KIAA1217: variants seen among roughly 807,000 people sequenced by gnomAD.
The protein encoded by KIAA1217 is sickle tail protein homolog.
In KIAA1217, 88 loss-of-function variants were observed where a neutral mutation model predicts 163.9. The ratio of observed to expected loss-of-function variants is 0.54; its 90% confidence interval spans 0.45 to 0.64. The LOEUF is 0.64. KIAA1217 is among the 30% of genes least tolerant of loss of function. KIAA1217 has a pLI of 0.00. For missense variants in KIAA1217, 2,372 were observed against 2,475.0 expected (o/e 0.96, Z 0.88); for synonymous variants, 903 against 923.1 (o/e 0.98, Z 0.39).
chr10:24,507,254 A>C (rs1327786522), intron 9 of KIAA1217, among the ~76,000 whole-genome samples: 1 of 152,228 alleles, frequency 6.6e-6, no homozygotes, highest in Admixed American at 6.5e-5. Context: ...AACAAAATTC[A>C]GAGCTCCATG....
chr10:23,833,681 T>G (rs1168375077), intron 1 of KIAA1217, among the ~76,000 whole-genome samples: 2 of 152,030 alleles, frequency 1.3e-5, no homozygotes, highest in African/African-American at 4.8e-5. Flanking sequence ...TATTTTTATT[T>G]AACTTTTTTG....
At chr10:23,856,761 A>C (rs1839696962) in intron 1 of KIAA1217, among the ~76,000 whole-genome samples, 1 of 152,254 alleles carries the variant, frequency 6.6e-6, no homozygotes, top group Non-Finnish European at 1.5e-5. Flanking sequence ...GTTTGATCTC[A>C]GACTGCTGTG....
chr10:23,796,392 C>T (rs892155280), intron 1 of KIAA1217, among the ~76,000 whole-genome samples: 10 of 150,998 alleles, frequency 6.6e-5, no homozygotes, highest in Admixed American at 2.7e-4. Context: ...GAGACGAAGT[C>T]TCACTCTGTC....
chr10:24,538,739 T>TTTG (rs2074509680), intron 17 of KIAA1217, among the ~76,000 whole-genome samples: 1 of 125,984 alleles, frequency 7.9e-6, no homozygotes, highest in Non-Finnish European at 1.6e-5. Context: ...TTGGTTTTTT[T>TTTG]TTTTTTTTTT....
At chr10:23,737,649 A>G (rs1424312278) in intron 1 of KIAA1217, among the ~76,000 whole-genome samples, 1 of 152,236 alleles carries the variant, frequency 6.6e-6, no homozygotes, top group Non-Finnish European at 1.5e-5. Context: ...AATAAAAAAT[A>G]GTACACATAT....
At position 23,902,844 on chromosome 10, in the gene KIAA1217, C is replaced by T. The variant is rs1049036090; in HGVS notation, c.-320-104381C>T. On this transcript the variant is annotated intron_variant, in intron 1 of 18. Transcript: ENST00000376462. ...TGAGTGCAGTTCATCTTAAGGTCCA[C>T]GTGGCCCATACATGGGAGGTTATTG... Among the ~76,000 whole-genome samples, 7 of 152,090 alleles carry T rather than the reference C, an allele frequency of 4.6e-5. No individual in the cohort carries two copies. In the East Asian group the frequency reaches 5.8e-4, roughly 13 times the overall value.
intron 2 of KIAA1217, among the ~76,000 whole-genome samples, chr10:24,178,703 A>C (rs2066023955): frequency 6.6e-6 from 1 of 152,218 alleles, no homozygotes; most frequent in South Asian, 2.1e-4. Context: ...TTTCCTTTGA[A>C]GTTTCTCAGC....
intron 2 of KIAA1217, among the ~76,000 whole-genome samples, chr10:24,181,071 C>T (rs1169694837): frequency 2.6e-5 from 4 of 152,202 alleles, no homozygotes; most frequent in African/African-American, 7.2e-5. Flanking sequence ...TATTTGAGCA[C>T]ACGTTAGGAG....
At chr10:23,888,639 G>A (rs1445766648) in intron 1 of KIAA1217, among the ~76,000 whole-genome samples, 2 of 151,994 alleles carry the variant, frequency 1.3e-5, no homozygotes, top group Non-Finnish European at 2.9e-5. Context: ...AGTGACTTTT[G>A]TGTAAAAGTA....
intron 2 of KIAA1217, among the ~76,000 whole-genome samples, chr10:24,069,633 A>T (rs2061107327): frequency 2.0e-5 from 3 of 152,140 alleles, no homozygotes. Context: ...CAATTTTCCC[A>T]CCAGTTTTAA....
chr10:24,018,988 T>C (rs1378794765), intron 2 of KIAA1217, among the ~76,000 whole-genome samples: 1 of 152,018 alleles, frequency 6.6e-6, no homozygotes, highest in Non-Finnish European at 1.5e-5. Flanking sequence ...TTATGTGAAA[T>C]CTAAAAAAAT....
intron 2 of KIAA1217, among the ~76,000 whole-genome samples, chr10:24,378,291 G>C (rs569991137): frequency 7.9e-5 from 12 of 152,232 alleles, no homozygotes; most frequent in African/African-American, 2.9e-4. Flanking sequence ...GCGAGAATTT[G>C]ATTGATCCAG....
chr10:24,429,247 G>A (rs1222554816), intron 3 of KIAA1217, among the ~76,000 whole-genome samples: 1 of 152,100 alleles, frequency 6.6e-6, no homozygotes, highest in Non-Finnish European at 1.5e-5. Context: ...CCTGTTCTGG[G>A]GGCTTTTAGG....
At chr10:24,114,829 T>C (rs1447866103) in intron 2 of KIAA1217, among the ~76,000 whole-genome samples, 1 of 152,208 alleles carries the variant, frequency 6.6e-6, no homozygotes, top group Admixed American at 6.5e-5. Flanking sequence ...CCTCGCACCA[T>C]CTGGTGTCTG....
intron 1 of KIAA1217, among the ~76,000 whole-genome samples, chr10:23,973,548 G>A (rs1589165197): frequency 1.3e-5 from 2 of 152,200 alleles, no homozygotes; most frequent in South Asian, 2.1e-4. Context: ...TCTATGAAAA[G>A]CATCATACAT....
intron 2 of KIAA1217, among the ~76,000 whole-genome samples, chr10:24,108,109 T>G (rs1268233321): frequency 6.6e-6 from 1 of 152,156 alleles, no homozygotes; most frequent in Non-Finnish European, 1.5e-5. Flanking sequence ...CTGCACTTGT[T>G]AGATTTGACT....
intron 2 of KIAA1217, among the ~76,000 whole-genome samples, chr10:24,155,173 A>T (rs1186707124): frequency 3.9e-5 from 6 of 152,128 alleles, no homozygotes; most frequent in Admixed American, 3.9e-4. Context: ...TTTTTTAAAC[A>T]CTTAGTGCAC....
intron 1 of KIAA1217, among the ~76,000 whole-genome samples, chr10:23,841,995 G>A (rs1838810121): frequency 6.6e-6 from 1 of 151,914 alleles, no homozygotes; most frequent in Non-Finnish European, 1.5e-5. Flanking sequence ...AACCTCCCAA[G>A]TAGCTGGGAT....
intron 1 of KIAA1217, among the ~76,000 whole-genome samples, chr10:23,942,368 C>A (rs977215811): frequency 1.3e-5 from 2 of 152,004 alleles, no homozygotes; most frequent in African/African-American, 4.8e-5. Context: ...CAAAAAGAAC[C>A]AAATAGAAAT....
Sources: allele counts gnomAD v4.1 joint callset (sites outside exome capture counted in the v4.1 genomes callset), GRCh38; gene constraint gnomAD v4.1.1; transcripts MANE v1.5; gene names NCBI Gene and HGNC (gene_info 2026-07-23, HGNC 2026-07-21).